The following RTN1 variants were observed in gnomAD, a reference collection of about 807,000 sequenced individuals.
RTN1 encodes the protein reticulon 1, also known as reticulon-1.
Under a neutral mutation model 65.5 loss-of-function variants are expected in RTN1, and 25 were observed. The ratio of observed to expected loss-of-function variants is 0.38; its 90% CI spans 0.28 to 0.53. RTN1 has a LOEUF of 0.53. Ranked by LOEUF, RTN1 falls within the 20% of genes least tolerant of loss-of-function variation. The pLI is 0.79. For missense variants in RTN1, 983 were observed against 1,025.4 expected, an observed-to-expected ratio of 0.96 and a Z score of 0.57; for synonymous variants, 471 against 447.6, an observed-to-expected ratio of 1.05 and a Z score of -0.66.
intron 2 of RTN1, among the ~76,000 whole-genome samples, chr14:59,728,986 A>C (rs1884841191): frequency 6.6e-6 from 1 of 152,220 alleles, no homozygotes; most frequent in Non-Finnish European, 1.5e-5. Context: ...GTTATGGAAA[A>C]AAGTAGAGTA....
chr14:59,694,458 T>A lies in RTN1; in HGVS notation c.1765+32461A>T, dbSNP rs1884022754. Among the ~76,000 whole-genome samples the A allele has an allele frequency of 2.6e-5, 4 of 152,320 alleles. No homozygotes were observed. In the South Asian group the frequency reaches 8.3e-4, roughly 32 times the overall value. ...ACACACATGGCACTTTTTCTGAGAA[T>A]CAGAGATTTATCACAATATATTTTA... On this transcript the variant is annotated intron_variant, in intron 3 of 8. Coordinates refer to ENST00000267484, the MANE Select transcript of RTN1 (RefSeq NM_021136.3).
chr14:59,729,909 A>T lies in RTN1; in HGVS notation c.1016-2241T>A, dbSNP rs184848986. ...AAGCCCAAGGGCTGGGATGAAGGAG[A>T]TGTTGAGATATTTATACCCTCTGCT... On this transcript the variant is annotated intron_variant, in intron 2 of 8. Coordinates refer to ENST00000267484, the MANE Select transcript of RTN1 (RefSeq NM_021136.3). 4.6e-5 allele frequency among the ~76,000 whole-genome samples: 7 copies of T among 152,180 alleles called. No individual in the cohort carries two copies. The East Asian group carries it at 1.4e-3, about 29-fold the overall frequency.
chr14:59,799,271 T>A (rs58050366), intron 1 of RTN1, among the ~76,000 whole-genome samples: 76 of 152,336 alleles, frequency 5.0e-4, no homozygotes, highest in African/African-American at 1.8e-3. Flanking sequence ...TGGCAAGCCA[T>A]ACTCATCAAA....
intron 3 of RTN1, among the ~76,000 whole-genome samples, chr14:59,635,863 AT>A (rs945674782): frequency 5.1e-4 from 78 of 152,072 alleles, no homozygotes; most frequent in African/African-American, 1.6e-3. Context: ...GAGAATGAAT[AT>A]TTTTTTTCTC....
intron 3 of RTN1, among the ~76,000 whole-genome samples, chr14:59,666,071 C>G (rs113834582): frequency 0.018 from 2,720 of 152,250 alleles, 77 homozygotes; most frequent in African/African-American, 0.061. Flanking sequence ...GACCTGAACT[C>G]AGCTCTGCAA....
intron 3 of RTN1, among the ~76,000 whole-genome samples, chr14:59,698,594 A>G (rs1884112087): frequency 6.6e-6 from 1 of 152,034 alleles, no homozygotes; most frequent in Non-Finnish European, 1.5e-5. Flanking sequence ...CCCCTTCACA[A>G]GCTCTCTCTC....
intron 2 of RTN1, among the ~76,000 whole-genome samples, chr14:59,731,640 A>G (rs1884898691): frequency 6.6e-6 from 1 of 152,070 alleles, no homozygotes; most frequent in Non-Finnish European, 1.5e-5. Context: ...ACATCATTTC[A>G]CTCTGGATTG....
At chr14:59,686,612 C>T (rs1013158301) in intron 3 of RTN1, among the ~76,000 whole-genome samples, 7 of 152,276 alleles carry the variant, frequency 4.6e-5, no homozygotes, top group Admixed American at 1.3e-4. Flanking sequence ...AGGAGGAAAA[C>T]GTGGGCAAAC....
intron 1 of RTN1, among the ~76,000 whole-genome samples, chr14:59,748,473 G>A (rs1030328819): frequency 9.2e-5 from 14 of 151,672 alleles, no homozygotes; most frequent in Admixed American, 7.9e-4. Flanking sequence ...AAATGTCGCC[G>A]TCTTAAGAAA....
At chr14:59,672,094 TGGTTAAGCTACAGGCA>T (rs1883516853) in intron 3 of RTN1, among the ~76,000 whole-genome samples, 27 of 152,190 alleles carry the variant, frequency 1.8e-4, no homozygotes, top group Admixed American at 1.7e-3. Context: ...GAATCTAGTC[TGGTTAAGCTACAGGCA>T]GGGAAGAGTG....
chr14:59,635,328 AT>A (rs1393344367), intron 3 of RTN1, among the ~76,000 whole-genome samples: 2 of 152,238 alleles, frequency 1.3e-5, no homozygotes, highest in African/African-American at 4.8e-5. Context: ...CTTTTCAAAT[AT>A]GTAATCAATG....
chr14:59,701,112 T>C (rs537604717), intron 3 of RTN1, among the ~76,000 whole-genome samples: 50 of 152,278 alleles, frequency 3.3e-4, no homozygotes, highest in Middle Eastern at 6.8e-3. Flanking sequence ...CATAAAAAGA[T>C]GCTCAACACT....
intron 1 of RTN1, among the ~76,000 whole-genome samples, chr14:59,826,369 A>G (rs1204817953): frequency 6.6e-6 from 1 of 152,236 alleles, no homozygotes; most frequent in Non-Finnish European, 1.5e-5. Flanking sequence ...TAAAACACTC[A>G]GCAGAATACT....
At chr14:59,720,930 T>G (rs892552542) in intron 3 of RTN1, among the ~76,000 whole-genome samples, 1 of 151,894 alleles carries the variant, frequency 6.6e-6, no homozygotes, top group African/African-American at 2.4e-5. Flanking sequence ...AAAGAGACTT[T>G]CCAAGAATCT....
At chr14:59,605,141 C>A (rs1881702225) in intron 5 of RTN1, 4 of 399,598 alleles carry the variant, frequency 1.0e-5, no homozygotes, top group Middle Eastern at 6.5e-4. Context: ...TCCAGCTCTG[C>A]CAGTGACTCA....
chr14:59,823,231 T>C (rs1480902652), intron 1 of RTN1, among the ~76,000 whole-genome samples: 1 of 152,164 alleles, frequency 6.6e-6, no homozygotes, highest in Non-Finnish European at 1.5e-5. Flanking sequence ...AGTCTTCTTG[T>C]TGGGTTGGGC....
intron 1 of RTN1, among the ~76,000 whole-genome samples, chr14:59,809,122 G>GT (rs1886685804): frequency 6.6e-6 from 1 of 152,050 alleles, no homozygotes; most frequent in South Asian, 2.1e-4. Context: ...TAGACTGTCT[G>GT]TAAGACTGTC....
At chr14:59,628,777 A>G (rs893259743) in intron 3 of RTN1, among the ~76,000 whole-genome samples, 3 of 152,228 alleles carry the variant, frequency 2.0e-5, no homozygotes, top group African/African-American at 7.2e-5. Context: ...TCGGAGACAT[A>G]AACTGAGGCA....
chr14:59,755,516 A>C (rs1594726575), intron 1 of RTN1, among the ~76,000 whole-genome samples: 2 of 152,268 alleles, frequency 1.3e-5, no homozygotes, highest in East Asian at 3.9e-4. Flanking sequence ...TGTGATGGAT[A>C]GCAGCAGCCT....
Sources: allele counts gnomAD v4.1 joint callset (sites outside exome capture counted in the v4.1 genomes callset), GRCh38; gene constraint gnomAD v4.1.1; transcripts MANE v1.5; gene names NCBI Gene and HGNC (gene_info 2026-07-23, HGNC 2026-07-21).